The following GAS2 variants were observed in gnomAD, a reference collection of about 807,000 sequenced individuals.
GAS2 encodes growth arrest-specific protein 2.
In GAS2, 20 loss-of-function variants were observed where a neutral mutation model predicts 37.5. That is an observed-to-expected ratio of 0.53 (90% CI 0.37 to 0.77). GAS2 has a LOEUF of 0.77. GAS2 is among the 30% of genes least tolerant of loss of function. The probability of loss-of-function intolerance (pLI) is 0.00; values close to 1 mark genes in which losing one functional copy is unlikely to be tolerated. For synonymous variants in GAS2, 144 were observed against 132.2 expected, an observed-to-expected ratio of 1.09 and a Z score of -0.61; for missense variants, 336 against 373.4, an observed-to-expected ratio of 0.90 and a Z score of 0.82.
At chr11:22,768,956 C>G (rs985825566) in intron 7 of GAS2, among the ~76,000 whole-genome samples, 14 of 152,272 alleles carry the variant, frequency 9.2e-5, no homozygotes, top group Admixed American at 2.6e-4. Context: ...TCATCATCTA[C>G]CAATGATAAC....
intron 1 of GAS2, among the ~76,000 whole-genome samples, chr11:22,667,873 C>T (rs1565073765): frequency 6.6e-6 from 1 of 152,184 alleles, no homozygotes; most frequent in Non-Finnish European, 1.5e-5. Flanking sequence ...CTCTCACCTC[C>T]GTGATCTTCT....
At chr11:22,790,705 C>T (rs1590135249) in intron 7 of GAS2, among the ~76,000 whole-genome samples, 1 of 151,592 alleles carries the variant, frequency 6.6e-6, no homozygotes, top group African/African-American at 2.4e-5. Context: ...TCAAGTGATC[C>T]GCCCATCTTG....
rs1850349239 is a variant in GAS2 at position 22,693,426 on chromosome 11, C to CT, written c.267+7644dup. ...CCCACTGTTTCCAAGTCATGTCAAT[C>CT]TTTTTTTACTGATTTTCATTGAGAT... On this transcript the variant is annotated intron_variant, in intron 3 of 7. Coordinates refer to ENST00000454584, the MANE Select transcript of GAS2 (RefSeq NM_001143830.3). Among the ~76,000 whole-genome samples, 6 of 152,204 alleles carry CT rather than the reference C, an allele frequency of 3.9e-5. No homozygotes were observed. In the South Asian group the frequency reaches 1.2e-3, roughly 32 times the overall value.
intron 1 of GAS2, among the ~76,000 whole-genome samples, chr11:22,659,588 A>ATT (rs1214812418): frequency 1.3e-5 from 2 of 152,156 alleles, no homozygotes; most frequent in Non-Finnish European, 2.9e-5. Flanking sequence ...TCTGTGAGGT[A>ATT]TTTGACTTAA....
intron 7 of GAS2, among the ~76,000 whole-genome samples, chr11:22,789,281 C>CATATATATAT (rs1210684540): frequency 1.1e-4 from 12 of 109,864 alleles, no homozygotes; most frequent in African/African-American, 3.8e-4. Context: ...GCCTAGATTT[C>CATATATATAT]ATATATATAT....
chr11:22,811,936 T>A lies in GAS2; in HGVS notation c.862T>A (p.Ser288Thr). Reference protein sequence around the residue: ...DGKTSPIQSKSPTLKDMNPDN... With the variant: ...DGKTSPIQSKTPTLKDMNPDN... ...CAAAACATCCCCTATCCAAAGCAAATCTCCAACTCTAAAGGACATGAATCC... is the reference window on the plus strand; with the variant it reads ...CAAAACATCCCCTATCCAAAGCAAAACTCCAACTCTAAAGGACATGAATCC... The change falls in exon 8 of 8, where the codon TCT (serine) becomes ACT (threonine). Residue 288 changes from serine (S) to threonine (T), a missense_variant. Ser to Thr is a moderately conservative substitution (Grantham distance 58). Coordinates refer to ENST00000454584, the MANE Select transcript of GAS2 (RefSeq NM_001143830.3). 6.2e-7 allele frequency: 1 copy of A among 1,613,956 alleles called. No individual in the cohort carries two copies. The highest frequency in any genetic ancestry group is 8.5e-7 in the Non-Finnish European group (1 of 1,179,978).
chr11:22,732,731 T>G (rs1438035281), intron 4 of GAS2, among the ~76,000 whole-genome samples: 1 of 151,224 alleles, frequency 6.6e-6, no homozygotes. Context: ...TAATATTTAT[T>G]AAGGGCTAAT....
intron 7 of GAS2, among the ~76,000 whole-genome samples, chr11:22,756,529 T>C (rs995066156): frequency 6.6e-6 from 1 of 151,870 alleles, no homozygotes; most frequent in Non-Finnish European, 1.5e-5. Context: ...CAATGTGTAG[T>C]CTCACAATAC....
chr11:22,689,741 A>G (rs1371904379), intron 3 of GAS2, among the ~76,000 whole-genome samples: 1 of 152,186 alleles, frequency 6.6e-6, no homozygotes, highest in Non-Finnish European at 1.5e-5. Flanking sequence ...TACAGTGAAT[A>G]TTTCCCATGG....
chr11:22,797,474 T>G (rs1392697227), intron 7 of GAS2, among the ~76,000 whole-genome samples: 1 of 152,090 alleles, frequency 6.6e-6, no homozygotes, highest in Non-Finnish European at 1.5e-5. Flanking sequence ...TCTCAACATC[T>G]AGGGCACTAT....
chr11:22,711,030 C>T (rs1440720515), intron 3 of GAS2, among the ~76,000 whole-genome samples: 3 of 152,166 alleles, frequency 2.0e-5, no homozygotes, highest in African/African-American at 7.2e-5. Context: ...ACATTGTGAA[C>T]TTTTGCTCCA....
rs2134017821 is a variant in GAS2 at position 22,699,935 on chromosome 11, G to C, written c.267+14146G>C. On this transcript the variant is annotated intron_variant, in intron 3 of 7. Transcript: ENST00000454584. ...CTTGATTGCTCAGTCTGAATAAAAT[G>C]AAAGAACCATAGTGTCCCTATGGAA... Among the ~76,000 whole-genome samples, 2 of 152,202 alleles carry C rather than the reference G, an allele frequency of 1.3e-5. 1 individual carries two copies. The highest frequency in any genetic ancestry group is 6.8e-3 in the Middle Eastern group (2 of 294).
At chr11:22,748,559 T>C (rs2134285664) in intron 5 of GAS2, among the ~76,000 whole-genome samples, 1 of 152,232 alleles carries the variant, frequency 6.6e-6, no homozygotes, top group Non-Finnish European at 1.5e-5. Flanking sequence ...ATATATATGC[T>C]TTCATTATGC....
chr11:22,811,556 G>A (rs1170754876), intron 7 of GAS2, among the ~76,000 whole-genome samples: 2 of 152,080 alleles, frequency 1.3e-5, no homozygotes, highest in African/African-American at 2.4e-5. Context: ...ATTATACGTA[G>A]GTGCTGGTTC....
At chr11:22,779,219 C>T (rs907326449) in intron 7 of GAS2, among the ~76,000 whole-genome samples, 3 of 152,072 alleles carry the variant, frequency 2.0e-5, no homozygotes, top group South Asian at 2.1e-4. Flanking sequence ...TCCTAGTCAT[C>T]GCCCTCATTT....
intron 3 of GAS2, chr11:22,702,264 C>T (rs1322409473): frequency 6.6e-6 from 1 of 152,120 alleles, no homozygotes; most frequent in Non-Finnish European, 1.5e-5. Flanking sequence ...AAGGAATTGT[C>T]TCTCACACTT....
At chr11:22,706,778 A>G (rs926706035) in intron 3 of GAS2, among the ~76,000 whole-genome samples, 10 of 152,074 alleles carry the variant, frequency 6.6e-5, no homozygotes, top group Non-Finnish European at 2.9e-5. Context: ...TATTGTGAAT[A>G]GTGCTGCAAT....
At chr11:22,755,163 G>GAGGA (rs1853956659) in intron 6 of GAS2, among the ~76,000 whole-genome samples, 1 of 151,996 alleles carries the variant, frequency 6.6e-6, no homozygotes, top group African/African-American at 2.4e-5. Flanking sequence ...AAGAGTGGGA[G>GAGGA]AATAGATATA....
chr11:22,765,851 G>A (rs1223261096), intron 7 of GAS2, among the ~76,000 whole-genome samples: 2 of 152,102 alleles, frequency 1.3e-5, no homozygotes, highest in Admixed American at 1.3e-4. Flanking sequence ...TCCTGGTTCT[G>A]CAGGCTGTAC....
Sources: gnomAD v4.1 joint callset for allele counts (sites outside exome capture counted in the v4.1 genomes callset) on GRCh38, gnomAD v4.1.1 for gene constraint, MANE v1.5 for transcripts, NCBI Gene and HGNC (gene_info 2026-07-23, HGNC 2026-07-21) for gene names.